FGFR3: variants seen among roughly 807,000 people sequenced by gnomAD.
The protein encoded by FGFR3 is fibroblast growth factor receptor 3, also known as FGFR-3.
In FGFR3, 25 loss-of-function variants were observed where a neutral mutation model predicts 82.9. That is an observed-to-expected ratio of 0.30 (90% CI 0.22 to 0.42). The LOEUF is 0.42. Ranked by LOEUF, FGFR3 falls within the 10% of genes least tolerant of loss-of-function variation. The probability of loss-of-function intolerance (pLI) is 1.00; values close to 1 mark genes in which losing one functional copy is unlikely to be tolerated. For missense variants in FGFR3, 1,026 were observed against 1,161.0 expected (o/e 0.88, Z 1.69); for synonymous variants, 620 against 516.0 (o/e 1.20, Z -2.73).
At chr4:1,804,659 CA>C in intron 9 of FGFR3, 139 bp downstream of exon 9, 20 of 1,421,874 alleles carry the variant, frequency 1.4e-5, no homozygotes, top group Non-Finnish European at 1.9e-5. Context: ...CTCTGCTCAC[CA>C]TGTAGAGCCT....
chr4:1,795,652 G>A (rs1196488138), intron 2 of FGFR3, among the ~76,000 whole-genome samples: 1 of 152,186 alleles, frequency 6.6e-6, no homozygotes, highest in East Asian at 1.9e-4. Context: ...TTTGGCCACT[G>A]GACTGCCCTG....
At chr4:1,804,301 G>A (rs2108796144) in intron 8 of FGFR3, 29 bp from the exon 9 acceptor site, 3 of 1,570,852 alleles carry the variant, frequency 1.9e-6, no homozygotes, top group Non-Finnish European at 2.6e-6. Context: ...GGGGGGCCAG[G>A]CCAGGCCTCA....
chr4:1,798,321 GCCCCAGTC>G (rs1720762418), intron 2 of FGFR3, among the ~76,000 whole-genome samples: 1 of 151,874 alleles, frequency 6.6e-6, no homozygotes, highest in Admixed American at 6.5e-5. Context: ...CTGTGAGGGG[GCCCCAGTC>G]CCCCTGCAGG....
chr4:1,806,430 T>C lies in FGFR3; in HGVS notation c.2030+103T>C, dbSNP rs1317924458. On this transcript the variant is annotated intron_variant, in intron 15 of 17. Coordinates refer to ENST00000440486, the MANE Select transcript of FGFR3 (RefSeq NM_000142.5). The stretch of plus-strand genomic sequence containing the variant: ...AGGCCTGTGCCCTGGAGCTCCTGGG[T>C]GTGGTTTCTACCCCTCCCTGGGGGC... The C allele has an allele frequency of 2.5e-6, 4 of 1,599,406 alleles. No individual in the cohort carries two copies. The African/African-American group carries it at 5.4e-5, about 21-fold the overall frequency.
chr4:1,805,196 A>T (rs1387936465), intron 10 of FGFR3, among the ~76,000 whole-genome samples, 159 bp from the exon 11 acceptor site: 3 of 151,532 alleles, frequency 2.0e-5, no homozygotes, highest in Non-Finnish European at 4.4e-5. Context: ...TGTGGGTGAC[A>T]CTCTTCGTCC....
chr4:1,802,065 C>T (rs1721263300), intron 7 of FGFR3, 40 bp downstream of exon 7: 2 of 1,587,916 alleles, frequency 1.3e-6, no homozygotes, highest in Non-Finnish European at 1.7e-6. Flanking sequence ...CGCTGGGGCT[C>T]CTGGGCTGGC....
rs148104605 is a variant in FGFR3 at position 1,806,137 on chromosome 4, C to T, written c.1923C>T (p.Asp641=). The T allele has an allele frequency of 1.9e-4, 304 of 1,613,140 alleles. No homozygotes were observed. In the African/African-American group the frequency reaches 2.6e-3, roughly 14 times the overall value. The part of the protein sequence containing the change: ...MKIADFGLAR[D]VHNLDYYKKT... The stretch of plus-strand genomic sequence containing the variant: ...TCGCAGACTTCGGGCTGGCCCGGGA[C>T]GTGCACAACCTCGACTACTACAAGA... The change falls in exon 14 of 18, where the codon GAC becomes GAT. Residue 641 remains aspartate, a synonymous_variant. Coordinates refer to ENST00000440486, the MANE Select transcript of FGFR3 (RefSeq NM_000142.5).
chr4:1,807,439 G>T lies in FGFR3; in HGVS notation c.*177G>T, dbSNP rs1442599023. 1 of 987,384 alleles carries T rather than the reference G, an allele frequency of 1.0e-6. No homozygotes were observed. The highest frequency in any genetic ancestry group is 1.4e-5 in the South Asian group (1 of 72,508). The allele number at this position is 987,384 out of a possible 1,614,324, so 61.2% of individuals were successfully genotyped here. A position where few individuals can be genotyped will look rare whatever the true frequency, so the allele number is the denominator to read the frequency against. The stretch of plus-strand genomic sequence containing the variant: ...TGTGTGCACATCCGCGTGTGCCTGT[G>T]TGCGTGCGCATCTTGCCTCCAGGTG... On this transcript the variant is annotated 3_prime_UTR_variant, in exon 18 of 18. Coordinates refer to ENST00000440486, the MANE Select transcript of FGFR3 (RefSeq NM_000142.5).
In FGFR3 at chr4:1,806,443, C is replaced by T. The variant is rs1721930510; in HGVS notation, c.2031-103C>T. On this transcript the variant is annotated intron_variant, in intron 15 of 17. Transcript: ENST00000440486. ...GGAGCTCCTGGGTGTGGTTTCTACCCCTCCCTGGGGGCAGCAGCGCAGCCC... is the reference window on the plus strand; with the variant it reads ...GGAGCTCCTGGGTGTGGTTTCTACCTCTCCCTGGGGGCAGCAGCGCAGCCC... 5 of 1,604,040 alleles carry T rather than the reference C, an allele frequency of 3.1e-6. No individual in the cohort carries two copies. In the East Asian group the frequency reaches 8.9e-5, roughly 29 times the overall value.
In FGFR3 at chr4:1,804,890, T is replaced by C; in HGVS notation, c.1333T>C (p.Ser445Pro). The C allele has an allele frequency of 1.3e-6, 2 of 1,549,860 alleles. No individual in the cohort carries two copies. The highest frequency in any genetic ancestry group is 1.7e-6 in the Non-Finnish European group (2 of 1,146,906). ...ACTGGTGCGCATCGCAAGGCTGTCC[T>C]CAGGGGAGGGCCCCACGCTGGCCAA... ...TPLVRIARLS[S>P]GEGPTLANVS... The change falls in exon 10 of 18, where the codon TCA (serine) becomes CCA (proline). Residue 445 changes from serine (S) to proline (P), a missense_variant. Physicochemically the swap from Ser to Pro is moderately conservative, Grantham distance 74. Coordinates refer to ENST00000440486, the MANE Select transcript of FGFR3 (RefSeq NM_000142.5).
rs780329181 is a variant in FGFR3, at chr4:1,804,286, G to T, written c.1076-44G>T. 2.5e-3 allele frequency: 1,049 copies of T among 414,248 alleles called. 3 individuals carry two copies. The South Asian group carries it at 0.033, about 13-fold the overall frequency. 25.7% of individuals were successfully genotyped at this position (414,248 alleles called of 1,614,324 possible). ...CCAGGGGCATCCATGGGAGCCCCGTGGGGGGGGGGGCCAGGCCAGGCCTCA... is the reference window on the plus strand; with the variant it reads ...CCAGGGGCATCCATGGGAGCCCCGTTGGGGGGGGGGCCAGGCCAGGCCTCA... On this transcript the variant is annotated intron_variant, in intron 8 of 17. Coordinates refer to ENST00000440486, the MANE Select transcript of FGFR3 (RefSeq NM_000142.5).
rs1721955798 is a variant in FGFR3, at chr4:1,806,639, G to T, written c.2124G>T (p.Lys708Asn). 6.2e-7 allele frequency: 1 copy of T among 1,613,100 alleles called. No individual in the cohort carries two copies. The highest frequency in any genetic ancestry group is 1.1e-5 in the South Asian group (1 of 91,088). The change falls in exon 16 of 18, where the codon AAG becomes AAT. Residue 708 changes from lysine to asparagine, a missense_variant. Lys to Asn is a moderately conservative substitution (Grantham distance 94). Transcript: ENST00000440486. Reference protein sequence around the residue: ...IPVEELFKLLKEGHRMDKPAN... With the variant: ...IPVEELFKLLNEGHRMDKPAN... Reference sequence around the variant, plus strand: ...TGGAGGAGCTCTTCAAGCTGCTGAAGGAGGGCCACCGCATGGACAAGCCCG... The same window carrying T: ...TGGAGGAGCTCTTCAAGCTGCTGAATGAGGGCCACCGCATGGACAAGCCCG...
At chr4:1,802,110 G>C (rs1721270504) in intron 7 of FGFR3, 85 bp downstream of exon 7, 1 of 1,456,324 alleles carries the variant, frequency 6.9e-7, no homozygotes, top group Admixed American at 2.0e-5. Flanking sequence ...GTTGCGTGAG[G>C]ATTTGGGTCT....
At chr4:1,803,077 TC>T in intron 7 of FGFR3, 2 of 1,560,044 alleles carry the variant, frequency 1.3e-6, no homozygotes, top group Non-Finnish European at 1.7e-6. Flanking sequence ...AACGACTCTG[TC>T]CCATGCCGGC....
chr4:1,805,242 C>T (rs1721737755), intron 10 of FGFR3, 113 bp from the exon 11 acceptor site: 4 of 1,562,636 alleles, frequency 2.6e-6, no homozygotes, highest in Admixed American at 3.4e-5. Context: ...TGGAGGGCTT[C>T]CTGGAGGTGG....
At chr4:1,794,131 C>T (rs1720176946) in intron 2 of FGFR3, 88 bp downstream of exon 2, 2 of 711,940 alleles carry the variant, frequency 2.8e-6, no homozygotes, top group Non-Finnish European at 4.0e-6. Context: ...TCGGAGGGGC[C>T]GCCGGGTGTG....
At chr4:1,806,219 A>T (rs1577292007) in intron 14 of FGFR3, 38 bp from the exon 15 acceptor site, 4 of 1,612,754 alleles carry the variant, frequency 2.5e-6, no homozygotes, top group Non-Finnish European at 3.4e-6. Flanking sequence ...TGCCAGTAGG[A>T]CGCCTGGCGC....
rs17884871 is a variant in FGFR3 at position 1,804,288 on chromosome 4, G to T, written c.1076-42G>T. ...AGGGGCATCCATGGGAGCCCCGTGG[G>T]GGGGGGGGCCAGGCCAGGCCTCAAC... On this transcript the variant is annotated intron_variant, in intron 8 of 17. Coordinates refer to ENST00000440486, the MANE Select transcript of FGFR3 (RefSeq NM_000142.5). 1.8e-4 allele frequency: 281 copies of T among 1,548,404 alleles called. 2 individuals are homozygous for T. The highest frequency in any genetic ancestry group is 3.5e-4 in the Middle Eastern group (2 of 5,766).
Position 1,805,913 on chromosome 4 carries a change from G to A in FGFR3, c.1809G>A (p.Arg603=). 1 of 1,611,584 alleles carries A rather than the reference G, an allele frequency of 6.2e-7. No individual in the cohort carries two copies. The highest frequency in any genetic ancestry group is 1.3e-5 in the African/African-American group (1 of 75,032). The part of the protein sequence containing the change: ...DLVSCAYQVA[R]GMEYLASQKC... ...TGTCCTGTGCCTACCAGGTGGCCCG[G>A]GGCATGGAGTACTTGGCCTCCCAGA... The change falls in exon 13 of 18, where the codon CGG becomes CGA. Residue 603 remains arginine, a synonymous_variant. Transcript: ENST00000440486.
Sources: allele counts gnomAD v4.1 joint callset (sites outside exome capture counted in the v4.1 genomes callset), GRCh38; gene constraint gnomAD v4.1.1; transcripts MANE v1.5; gene names NCBI Gene and HGNC (gene_info 2026-07-23, HGNC 2026-07-21).